The following PACSIN1 variants were observed in gnomAD, a reference collection of about 807,000 sequenced individuals.
PACSIN1 encodes the protein protein kinase C and casein kinase substrate in neurons 1, also known as protein kinase C and casein kinase substrate in neurons protein 1.
A neutral mutation model predicts 59.5 loss-of-function variants in PACSIN1; 15 were observed. The ratio of observed to expected loss-of-function variants is 0.25; its 90% CI spans 0.17 to 0.39. The LOEUF (loss-of-function observed/expected upper bound fraction) is 0.39. Ranked by LOEUF, PACSIN1 falls within the 10% of genes least tolerant of loss-of-function variation. PACSIN1 has a pLI of 1.00. For missense variants in PACSIN1, 420 were observed against 580.2 expected (o/e 0.72, Z 2.84); for synonymous variants, 210 against 220.6 (o/e 0.95, Z 0.42).
At chr6:34,509,426 A>G (rs1483911198) in intron 1 of PACSIN1, among the ~76,000 whole-genome samples, 1 of 152,178 alleles carries the variant, frequency 6.6e-6, no homozygotes, top group Admixed American at 6.5e-5. Flanking sequence ...TAATATGCAT[A>G]TATGTCTGTT....
At chr6:34,473,352 G>A (rs547006844) in intron 1 of PACSIN1, among the ~76,000 whole-genome samples, 4 of 152,296 alleles carry the variant, frequency 2.6e-5, no homozygotes, top group East Asian at 3.9e-4. Flanking sequence ...GACATGGGTC[G>A]TGAGGCTGGT....
At chr6:34,492,908 C>T (rs116495562) in intron 1 of PACSIN1, among the ~76,000 whole-genome samples, 200 of 152,282 alleles carry the variant, frequency 1.3e-3, no homozygotes, top group African/African-American at 4.2e-3. Flanking sequence ...CAAACCTGCA[C>T]GTGTACTCCT....
intron 1 of PACSIN1, among the ~76,000 whole-genome samples, chr6:34,471,989 T>C (rs115397867): frequency 0.021 from 3,169 of 152,186 alleles, 92 homozygotes; most frequent in African/African-American, 0.07. Flanking sequence ...ATTACCAGTG[T>C]GGAAAGATGG....
Position 34,532,275 on chromosome 6 carries a change from G to T in PACSIN1, c.1226-146G>T. 1 of 620,542 alleles carries T rather than the reference G, an allele frequency of 1.6e-6. No individual in the cohort carries two copies. Among genetic ancestry groups the T allele is most frequent in the Non-Finnish European group, 2.9e-6 (1 of 342,762 alleles). 38.4% of individuals were successfully genotyped at this position (620,542 alleles called of 1,614,324 possible). A position where few individuals can be genotyped will look rare whatever the true frequency, so the allele number is the denominator to read the frequency against. ...GGCACGTGAATGTTGGCGTGGGACTGGGGCTGGTTTCCAGGGGCGGGGCCT... is the reference window on the plus strand; with the variant it reads ...GGCACGTGAATGTTGGCGTGGGACTTGGGCTGGTTTCCAGGGGCGGGGCCT... On this transcript the variant is annotated intron_variant, in intron 9 of 9. Coordinates refer to ENST00000244458, the MANE Select transcript of PACSIN1 (RefSeq NM_020804.5). The surrounding 1 kb of genome is among the most constrained non-coding windows in gnomAD (Gnocchi z 5.2).
chr6:34,479,920 G>A (rs1766691260), intron 1 of PACSIN1, among the ~76,000 whole-genome samples: 1 of 151,944 alleles, frequency 6.6e-6, no homozygotes, highest in Non-Finnish European at 1.5e-5. Flanking sequence ...CCGCCTCCTG[G>A]GCTCAAGTGA....
intron 1 of PACSIN1, among the ~76,000 whole-genome samples, chr6:34,478,604 C>T (rs913127739): frequency 2.0e-5 from 3 of 151,948 alleles, no homozygotes; most frequent in East Asian, 1.9e-4. Context: ...AACTCCTGAC[C>T]TTGTGATCCT....
At chr6:34,476,216 T>G (rs1461410654) in intron 1 of PACSIN1, among the ~76,000 whole-genome samples, 1 of 152,204 alleles carries the variant, frequency 6.6e-6, no homozygotes, top group Non-Finnish European at 1.5e-5. Context: ...CGATGTCTGT[T>G]GAGCATGAAC....
chr6:34,496,582 G>A (rs533692680), intron 1 of PACSIN1, among the ~76,000 whole-genome samples: 2 of 152,392 alleles, frequency 1.3e-5, no homozygotes, highest in Admixed American at 6.5e-5. Context: ...CTGATGCTGA[G>A]GCTGAGGCCG....
intron 1 of PACSIN1, among the ~76,000 whole-genome samples, chr6:34,495,688 G>A (rs1766937681): frequency 6.6e-6 from 1 of 152,116 alleles, no homozygotes; most frequent in African/African-American, 2.4e-5. Context: ...CCTGATCTCA[G>A]GTGACCCGCC....
chr6:34,474,741 G>A (rs187682137), intron 1 of PACSIN1, among the ~76,000 whole-genome samples: 22 of 128,598 alleles, frequency 1.7e-4, no homozygotes, highest in Non-Finnish European at 2.3e-4. Context: ...AGTGAGCTGA[G>A]ATCATACCAC....
intron 1 of PACSIN1, among the ~76,000 whole-genome samples, chr6:34,524,009 G>A (rs868070091): frequency 6.6e-6 from 1 of 152,178 alleles, no homozygotes; most frequent in African/African-American, 2.4e-5. Context: ...AGAGGCCTGC[G>A]AATTGCCCAT....
intron 1 of PACSIN1, among the ~76,000 whole-genome samples, chr6:34,476,223 G>A (rs1167213758): frequency 6.6e-6 from 1 of 152,180 alleles, no homozygotes; most frequent in Non-Finnish European, 1.5e-5. Flanking sequence ...TGTTGAGCAT[G>A]AACTATGTGC....
At chr6:34,505,446 C>T (rs1767096817) in intron 1 of PACSIN1, among the ~76,000 whole-genome samples, 1 of 150,852 alleles carries the variant, frequency 6.6e-6, no homozygotes, top group Non-Finnish European at 1.5e-5. Flanking sequence ...TCTTTCTCCC[C>T]TTCCTCTTGG....
At chr6:34,479,510 C>T in intron 1 of PACSIN1, among the ~76,000 whole-genome samples, 1 of 152,152 alleles carries the variant, frequency 6.6e-6, no homozygotes, top group Non-Finnish European at 1.5e-5. Flanking sequence ...GATCTTGGCC[C>T]ATTTAGGCTC....
At position 34,515,467 on chromosome 6, in the gene PACSIN1, T is replaced by C. The variant is rs1248866434; in HGVS notation, c.-63-10776T>C. Reference sequence around the variant, plus strand: ...AGGAGTAAGGATGCCCCTGCCCCACTCAAGGCACTGCTAGGCTCTGGCCAT... The same window carrying C: ...AGGAGTAAGGATGCCCCTGCCCCACCCAAGGCACTGCTAGGCTCTGGCCAT... On this transcript the variant is annotated intron_variant, in intron 1 of 9. Transcript: ENST00000244458. The surrounding 1 kb of genome is among the most constrained non-coding windows in gnomAD (Gnocchi z 4.4). 6.6e-6 allele frequency among the ~76,000 whole-genome samples: 1 copy of C among 151,986 alleles called. No individual in the cohort carries two copies. Among genetic ancestry groups the C allele is most frequent in the Non-Finnish European group, 1.5e-5 (1 of 67,960 alleles).
At position 34,529,523 on chromosome 6, in the gene PACSIN1, G is replaced by T. The variant is rs749648335; in HGVS notation, c.583G>T (p.Val195Leu). 2.0e-5 allele frequency: 33 copies of T among 1,614,054 alleles called. No individual in the cohort carries two copies. The East Asian group carries it at 7.4e-4, about 36-fold the overall frequency. ...PEQQKKLQDK[V>L]DKCKQDVQKT... ...GCAGCAAAAGAAGCTGCAGGACAAAGTGGACAAGTGCAAGCAGGATGTGCA... is the reference window on the plus strand; with the variant it reads ...GCAGCAAAAGAAGCTGCAGGACAAATTGGACAAGTGCAAGCAGGATGTGCA... Residue 195 changes from valine to leucine, a missense_variant, in exon 5 of 10, where the codon GTG becomes TTG. Physicochemically the swap from Val to Leu is conservative, Grantham distance 32. Transcript: ENST00000244458. The surrounding 1 kb of genome is among the most constrained non-coding windows in gnomAD (Gnocchi z 6.3).
At chr6:34,510,820 C>A (rs1294682611) in intron 1 of PACSIN1, among the ~76,000 whole-genome samples, 1 of 152,238 alleles carries the variant, frequency 6.6e-6, no homozygotes. Context: ...TCAGGCAATT[C>A]TCCTGCCTCA....
intron 1 of PACSIN1, among the ~76,000 whole-genome samples, chr6:34,478,012 C>A (rs551254046): frequency 6.6e-6 from 1 of 151,378 alleles, no homozygotes; most frequent in South Asian, 2.1e-4. Flanking sequence ...CTCAGCCTCC[C>A]AAAGTGCTGG....
chr6:34,466,691 G>C (rs1184277335), intron 1 of PACSIN1, among the ~76,000 whole-genome samples: 6 of 152,186 alleles, frequency 3.9e-5, no homozygotes. Flanking sequence ...AAACACAGCA[G>C]CTGATGCCTG....
Sources: allele counts gnomAD v4.1 joint callset (sites outside exome capture counted in the v4.1 genomes callset), GRCh38; gene constraint gnomAD v4.1.1; non-coding constraint Gnocchi (gnomAD v3.1); transcripts MANE v1.5; gene names NCBI Gene and HGNC (gene_info 2026-07-23, HGNC 2026-07-21).